C2CD2: variants seen among roughly 807,000 people sequenced by gnomAD.
C2CD2 encodes C2 calcium dependent domain containing 2.
In C2CD2, 43 loss-of-function variants were observed where a neutral mutation model predicts 74.3. The observed-to-expected ratio is 0.58, with a 90% CI of 0.45 to 0.75. The LOEUF is 0.75. Ranked by LOEUF, C2CD2 falls within the 30% of genes least tolerant of loss-of-function variation. The pLI is 0.00. For synonymous variants in C2CD2, 422 were observed against 390.7 expected (o/e 1.08, Z -0.94); for missense variants, 801 against 916.3 (o/e 0.87, Z 1.63).
chr21:41,934,190 G>T (rs558930963), intron 2 of C2CD2, among the ~76,000 whole-genome samples: 2 of 152,184 alleles, frequency 1.3e-5, no homozygotes, highest in African/African-American at 4.8e-5. Context: ...CACTTTGGGA[G>T]GCAGAAGACG....
rs2065186651 is a variant in C2CD2, at chr21:41,924,367, G to A, written c.379-2282C>T. 6.6e-6 allele frequency among the ~76,000 whole-genome samples: 1 copy of A among 152,170 alleles called. No individual in the cohort carries two copies. Among genetic ancestry groups the A allele is most frequent in the African/African-American group, 2.4e-5 (1 of 41,430 alleles). On this transcript the variant is annotated intron_variant, in intron 2 of 13. Transcript: ENST00000380486. The surrounding 1 kb of genome is among the most constrained non-coding windows in gnomAD (Gnocchi z 4.4). ...CAACCAAATACCTCAATGCCACAGA[G>A]CTAGAAAAAGAAAATCCTGCCTTCT...
At chr21:41,941,298 G>A (rs1278521411) in intron 2 of C2CD2, among the ~76,000 whole-genome samples, 1 of 151,708 alleles carries the variant, frequency 6.6e-6, no homozygotes, top group Non-Finnish European at 1.5e-5. Flanking sequence ...AAGTTTGAGG[G>A]TACAGTAAGC....
At chr21:41,917,063 C>G (rs1430068326) in intron 5 of C2CD2, among the ~76,000 whole-genome samples, 1 of 152,094 alleles carries the variant, frequency 6.6e-6, no homozygotes, top group Non-Finnish European at 1.5e-5. Context: ...CCCTGGGAAG[C>G]CCCCCAGACA....
intron 1 of C2CD2, chr21:41,953,159 T>G: frequency 1.8e-5 from 7 of 396,752 alleles, no homozygotes; most frequent in East Asian, 3.6e-5. Context: ...CACCTGCCGT[T>G]TGGAGAATAA....
intron 2 of C2CD2, among the ~76,000 whole-genome samples, chr21:41,934,130 T>C (rs1242571146): frequency 6.6e-6 from 1 of 152,164 alleles, no homozygotes; most frequent in Non-Finnish European, 1.5e-5. Flanking sequence ...ACAAATACAA[T>C]TTAATCATCC....
At chr21:41,921,213 C>G (rs1432866129) in intron 3 of C2CD2, among the ~76,000 whole-genome samples, 1 of 152,246 alleles carries the variant, frequency 6.6e-6, no homozygotes, top group Non-Finnish European at 1.5e-5. Context: ...AATTAGGAGT[C>G]AAGTCCAAGG....
Position 41,899,798 on chromosome 21 carries a change from C to T in C2CD2, c.1561-436G>A, listed in dbSNP as rs961826705. 3.3e-5 allele frequency among the ~76,000 whole-genome samples: 5 copies of T among 152,090 alleles called. No homozygotes were observed. The highest frequency in any genetic ancestry group is 6.6e-5 in the Admixed American group (1 of 15,262). On this transcript the variant is annotated intron_variant, in intron 12 of 13. Coordinates refer to ENST00000380486, the MANE Select transcript of C2CD2 (RefSeq NM_015500.2). The surrounding 1 kb of genome is among the most constrained non-coding windows in gnomAD (Gnocchi z 4.4). ...ATGTTACCTGCAAGTGGAAATTCAC[C>T]GGCACATCCTCTCAAAAATTATATT... is the stretch of plus-strand genomic sequence containing the variant.
chr21:41,895,499 A>G lies in C2CD2; in HGVS notation c.1870+3554T>C, dbSNP rs2064811918. Among the ~76,000 whole-genome samples, 1 of 152,206 alleles carries G rather than the reference A, an allele frequency of 6.6e-6. No individual in the cohort carries two copies. Among genetic ancestry groups the G allele is most frequent in the South Asian group, 2.1e-4 (1 of 4,830 alleles). On this transcript the variant is annotated intron_variant, in intron 13 of 13. Transcript: ENST00000380486. This position sits in a 1 kb window ranked among gnomAD's most constrained non-coding sequence, Gnocchi z 5.0. ...CTCTACGCCAACAGCAAGAAGCGAG[A>G]TTTAGACCTCACCCACAACCTTCAA...
chr21:41,932,202 A>T (rs2065268583), intron 2 of C2CD2, among the ~76,000 whole-genome samples: 1 of 149,756 alleles, frequency 6.7e-6, no homozygotes, highest in South Asian at 2.1e-4. Context: ...GGGAGCTTCC[A>T]AGGTGGTGAA....
chr21:41,920,084 C>T (rs2065139045), intron 3 of C2CD2, among the ~76,000 whole-genome samples: 1 of 152,164 alleles, frequency 6.6e-6, no homozygotes, highest in South Asian at 2.1e-4. Flanking sequence ...CTGACAGCCA[C>T]AAGAAAATGG....
At chr21:41,914,089 G>A (rs1165456190) in intron 6 of C2CD2, among the ~76,000 whole-genome samples, 1 of 152,090 alleles carries the variant, frequency 6.6e-6, no homozygotes, top group Non-Finnish European at 1.5e-5. Flanking sequence ...AGCCAGGCGT[G>A]GTGGTGCACG....
In C2CD2 at chr21:41,948,870, C is replaced by CTTTTTTTTTTTTTTTTTTTT. The variant is rs967927171; in HGVS notation, c.279+4480_279+4499dup. 7.2e-4 allele frequency among the ~76,000 whole-genome samples: 58 copies of CTTTTTTTTTTTTTTTTTTTT among 80,708 alleles called. 21 individuals carry two copies. Among genetic ancestry groups the CTTTTTTTTTTTTTTTTTTTT allele is most frequent in the South Asian group, 1.8e-3 (3 of 1,690 alleles). 52.9% of individuals were successfully genotyped at this position (80,708 alleles called of 152,430 possible). On this transcript the variant is annotated intron_variant, in intron 1 of 13. Transcript: ENST00000380486. ...AATATGTTCCAAGTCCACACAGCAT[C>CTTTTTTTTTTTTTTTTTTTT]TTTTTTTTTTTTTTTTTTTTTTCTT...
chr21:41,894,856 T>C (rs753178586), intron 13 of C2CD2: 1 of 456,598 alleles, frequency 2.2e-6, no homozygotes, highest in Non-Finnish European at 4.4e-6. Flanking sequence ...AGCCGCCCCA[T>C]GGTGGTTGTG....
At chr21:41,933,740 C>T (rs971237145) in intron 2 of C2CD2, among the ~76,000 whole-genome samples, 2 of 152,188 alleles carry the variant, frequency 1.3e-5, no homozygotes, top group African/African-American at 4.8e-5. Context: ...CAAGAGCGAC[C>T]AGGCTCCTCC....
rs1367477951 is a variant in C2CD2 at position 41,942,147 on chromosome 21, C to G, written c.378G>C (p.Lys126Asn). The stretch of plus-strand genomic sequence containing the variant: ...GCAGGGAATGGGCTCCTGGGCTCAC[C>G]TTCTCCTCCGCCGACCTGAGCACGC... Reference protein sequence around the residue: ...VSSVLRSAEEKVVVCHVVGQA... With the variant: ...VSSVLRSAEENVVVCHVVGQA... The change falls in exon 2 of 14, where the codon AAG becomes AAC. Residue 126 changes from lysine to asparagine, a missense_variant and splice_region_variant. Transcript: ENST00000380486. 4 of 1,549,332 alleles carry G rather than the reference C, an allele frequency of 2.6e-6. No individual in the cohort carries two copies. In the South Asian group the frequency reaches 3.6e-5, roughly 14 times the overall value.
At chr21:41,914,061 G>A (rs35769379) in intron 6 of C2CD2, among the ~76,000 whole-genome samples, 1 of 151,794 alleles carries the variant, frequency 6.6e-6, no homozygotes. Flanking sequence ...AACCCTGTCT[G>A]TACTAAAAAT....
rs2065241509 is a variant in C2CD2 at position 41,929,073 on chromosome 21, G to T, written c.379-6988C>A. ...AAAATGAGCCTGGGCAATATAGTGA[G>T]ATCCCACCTCTAAAAAATATTTAAA... On this transcript the variant is annotated intron_variant, in intron 2 of 13. Transcript: ENST00000380486. The surrounding 1 kb of genome is among the most constrained non-coding windows in gnomAD (Gnocchi z 4.6). Among the ~76,000 whole-genome samples the T allele has an allele frequency of 6.6e-6, 1 of 150,406 alleles. No homozygotes were observed. The highest frequency in any genetic ancestry group is 2.5e-5 in the African/African-American group (1 of 40,722).
At chr21:41,918,331 G>T in intron 4 of C2CD2, 104 bp from the exon 5 acceptor site, 1 of 1,148,780 alleles carries the variant, frequency 8.7e-7, no homozygotes, top group Admixed American at 2.5e-5. Context: ...AGGAAGGAAG[G>T]AAATTACCTT....
rs1001897756 is a variant in C2CD2, at chr21:41,924,629, T to C, written c.379-2544A>G. 6.6e-6 allele frequency among the ~76,000 whole-genome samples: 1 copy of C among 152,170 alleles called. No homozygotes were observed. Among genetic ancestry groups the C allele is most frequent in the Admixed American group, 6.5e-5 (1 of 15,280 alleles). On this transcript the variant is annotated intron_variant, in intron 2 of 13. Transcript: ENST00000380486. This position sits in a 1 kb window ranked among gnomAD's most constrained non-coding sequence, Gnocchi z 4.4. The stretch of plus-strand genomic sequence containing the variant: ...TGGCCAGATGAGTTACACGCACCAA[T>C]GGCATGACACTGAGAAAATTCCCTG...
Sources: allele counts gnomAD v4.1 joint callset (sites outside exome capture counted in the v4.1 genomes callset), GRCh38; gene constraint gnomAD v4.1.1; non-coding constraint Gnocchi (gnomAD v3.1); transcripts MANE v1.5; gene names NCBI Gene and HGNC (gene_info 2026-07-23, HGNC 2026-07-21).